ALDH5A1: variants seen among roughly 807,000 people sequenced by gnomAD.
The protein encoded by ALDH5A1 is aldehyde dehydrogenase 5 family member A1, also known as succinate-semialdehyde dehydrogenase, mitochondrial.
Under a neutral mutation model 54.7 loss-of-function variants are expected in ALDH5A1, and 33 were observed. The observed-to-expected ratio is 0.60, with a 90% confidence interval of 0.46 to 0.81. The LOEUF (loss-of-function observed/expected upper bound fraction) is 0.81. Among genes scored for constraint, ALDH5A1 ranks in the 30% least tolerant of loss-of-function variants. The pLI is 0.00. For missense variants in ALDH5A1, 657 were observed against 711.0 expected (o/e 0.92, Z 0.86); for synonymous variants, 294 against 292.7 (o/e 1.00, Z -0.05).
At chr6:24,517,518 G>T (rs1759598244) in intron 5 of ALDH5A1, among the ~76,000 whole-genome samples, 1 of 152,230 alleles carries the variant, frequency 6.6e-6, no homozygotes, top group Non-Finnish European at 1.5e-5. Context: ...TAGTTAGAAA[G>T]AAAGAGGGAA....
intron 4 of ALDH5A1, among the ~76,000 whole-genome samples, chr6:24,507,418 C>A (rs1759378479): frequency 6.6e-6 from 1 of 151,704 alleles, no homozygotes; most frequent in Non-Finnish European, 1.5e-5. Context: ...AGTTTCTTGC[C>A]CTTATAAGTC....
rs1001529759 is a variant in ALDH5A1, at chr6:24,495,228, G to C, written c.232G>C (p.Val78Leu). ...GCTCCCGGCCGCCGCCACCTTCCCC[G>C]TGCAAGACCCGGCCAGCGGCGCCGC... ...RWLPAAATFP[V>L]QDPASGAALG... Residue 78 changes from valine (V) to leucine (L), a missense_variant, in exon 1 of 10, where the codon GTG becomes CTG. Transcript: ENST00000357578. 1 of 1,519,862 alleles carries C rather than the reference G, an allele frequency of 6.6e-7. No individual in the cohort carries two copies. Among genetic ancestry groups the C allele is most frequent in the Non-Finnish European group, 8.8e-7 (1 of 1,140,852 alleles). 94.1% of individuals were successfully genotyped at this position (1,519,862 alleles called of 1,614,324 possible).
intron 4 of ALDH5A1, 129 bp downstream of exon 4, chr6:24,505,114 TA>T: frequency 1.0e-6 from 1 of 967,952 alleles, no homozygotes; most frequent in Non-Finnish European, 1.6e-6. Context: ...TGTTGTGTAT[TA>T]ATCTACTGGT....
chr6:24,535,247 A>G lies in ALDH5A1; in HGVS notation c.*1535A>G, dbSNP rs1455859703. Reference sequence around the variant, plus strand: ...TCCCTCATTGAGCCACTGGGAAGCTATGGTTGAGTAACTAAAGGTCTGGCA... The same window carrying G: ...TCCCTCATTGAGCCACTGGGAAGCTGTGGTTGAGTAACTAAAGGTCTGGCA... On this transcript the variant is annotated 3_prime_UTR_variant, in exon 10 of 10. Transcript: ENST00000357578. The G allele has an allele frequency of 2.0e-5, 3 of 152,184 alleles. No individual in the cohort carries two copies. Among genetic ancestry groups the G allele is most frequent in the Admixed American group, 1.3e-4 (2 of 15,276 alleles). The allele number at this position is 152,184 out of a possible 1,614,324, so 9.4% of individuals were successfully genotyped here. A position where few individuals can be genotyped will look rare whatever the true frequency, so the allele number is the denominator to read the frequency against.
intron 3 of ALDH5A1, among the ~76,000 whole-genome samples, chr6:24,504,630 C>G (rs1390088982): frequency 6.6e-6 from 1 of 152,242 alleles, no homozygotes; most frequent in Non-Finnish European, 1.5e-5. Context: ...GACCCCTGGT[C>G]TAACTAATTT....
intron 3 of ALDH5A1, 89 bp downstream of exon 3, chr6:24,503,522 C>A: frequency 6.7e-7 from 1 of 1,493,284 alleles, no homozygotes; most frequent in Non-Finnish European, 9.1e-7. Context: ...CAGGTGTGCT[C>A]ATCCTGTTAG....
chr6:24,528,461 A>AC (rs1341174951), intron 8 of ALDH5A1, among the ~76,000 whole-genome samples: 1 of 151,856 alleles, frequency 6.6e-6, no homozygotes, highest in Non-Finnish European at 1.5e-5. Context: ...CTCCTTGGTT[A>AC]AAGCAATTCT....
intron 7 of ALDH5A1, 108 bp downstream of exon 7, chr6:24,523,033 T>C: frequency 1.8e-6 from 1 of 561,474 alleles, no homozygotes; most frequent in South Asian, 1.7e-5. Flanking sequence ...GAGGGGTGGG[T>C]TGACAGAATA....
chr6:24,512,970 G>A lies in ALDH5A1; in HGVS notation c.727-2197G>A, dbSNP rs150674717. 3.1e-4 allele frequency among the ~76,000 whole-genome samples: 47 copies of A among 152,236 alleles called. No individual in the cohort carries two copies. The East Asian group carries it at 8.1e-3, about 26-fold the overall frequency. ...CTCCTAAAATGCTGGGATTACAGGTGTGAGCCACCGCACCTGGCCCAGTTT... is the reference window on the plus strand; with the variant it reads ...CTCCTAAAATGCTGGGATTACAGGTATGAGCCACCGCACCTGGCCCAGTTT... On this transcript the variant is annotated intron_variant, in intron 4 of 9. Coordinates refer to ENST00000357578, the MANE Select transcript of ALDH5A1 (RefSeq NM_001080.3).
In ALDH5A1 at chr6:24,508,382, AAAAAAAGAT is replaced by A. The variant is rs1168848383; in HGVS notation, c.726+3398_726+3406del. 3.9e-4 allele frequency among the ~76,000 whole-genome samples: 21 copies of A among 53,414 alleles called. 1 individual carries two copies. Among genetic ancestry groups the A allele is most frequent in the Non-Finnish European group, 9.4e-4 (17 of 18,046 alleles). The allele number at this position is 53,414 out of a possible 152,430, so 35.0% of individuals were successfully genotyped here. A position where few individuals can be genotyped will look rare whatever the true frequency, so the allele number is the denominator to read the frequency against. ...TCTCCAAAAAAAAAAAAAAAAAAAA[AAAAAAAGAT>A]TAATAGTCTCTAATCCTCTAATCTC... On this transcript the variant is annotated intron_variant, in intron 4 of 9. Coordinates refer to ENST00000357578, the MANE Select transcript of ALDH5A1 (RefSeq NM_001080.3).
intron 3 of ALDH5A1, among the ~76,000 whole-genome samples, chr6:24,504,477 G>T (rs1759295349): frequency 6.6e-6 from 1 of 152,150 alleles, no homozygotes; most frequent in African/African-American, 2.4e-5. Context: ...GTTTTATTGG[G>T]ACACAGCCAC....
chr6:24,522,873 T>G lies in ALDH5A1; in HGVS notation c.1121T>G (p.Phe374Cys). 6.2e-7 allele frequency: 1 copy of G among 1,614,136 alleles called. No individual in the cohort carries two copies. Among genetic ancestry groups the G allele is most frequent in the African/African-American group, 1.3e-5 (1 of 75,030 alleles). Residue 374 changes from phenylalanine (F) to cysteine (C), a missense_variant, in exon 7 of 10, where the codon TTT (phenylalanine) becomes TGT (cysteine). By Grantham distance (205) the Phe-to-Cys change is radical. Coordinates refer to ENST00000357578, the MANE Select transcript of ALDH5A1 (RefSeq NM_001080.3). ...AAGAACCTGCGCGTAGGTAATGGAT[T>G]TGAGGAAGGAACTACTCAGGGCCCA... ...MKKNLRVGNG[F>C]EEGTTQGPLI...
At chr6:24,520,595 G>A in intron 6 of ALDH5A1, 51 bp downstream of exon 6, 2 of 1,600,536 alleles carry the variant, frequency 1.2e-6, no homozygotes, top group Non-Finnish European at 1.7e-6. Flanking sequence ...GCATGTGTGA[G>A]TGTGTGTATG....
Position 24,509,805 on chromosome 6 carries a change from G to C in ALDH5A1, c.726+4820G>C, listed in dbSNP as rs1759428321. 6.6e-6 allele frequency among the ~76,000 whole-genome samples: 1 copy of C among 151,812 alleles called. No individual in the cohort carries two copies. The highest frequency in any genetic ancestry group is 2.4e-5 in the African/African-American group (1 of 41,336). ...TTTTTGTTTATTTCTATTTCATTTA[G>C]TTCTGCTCTGATCTTGGTTATTTCC... On this transcript the variant is annotated intron_variant, in intron 4 of 9. Coordinates refer to ENST00000357578, the MANE Select transcript of ALDH5A1 (RefSeq NM_001080.3). This position sits in a 1 kb window ranked among gnomAD's most constrained non-coding sequence, Gnocchi z 4.7.
At chr6:24,530,687 C>T (rs188386551) in intron 8 of ALDH5A1, among the ~76,000 whole-genome samples, 30 of 152,356 alleles carry the variant, frequency 2.0e-4, no homozygotes, top group African/African-American at 6.0e-4. Context: ...TTGCAGTTCC[C>T]TCTATTGGAA....
At chr6:24,511,925 G>T in intron 4 of ALDH5A1, 1 of 566,952 alleles carries the variant, frequency 1.8e-6, no homozygotes, top group Non-Finnish European at 3.2e-6. Context: ...CATATTATCA[G>T]AGTTGGCTTT....
chr6:24,523,368 A>G (rs139217160), intron 7 of ALDH5A1, among the ~76,000 whole-genome samples: 8 of 151,746 alleles, frequency 5.3e-5, no homozygotes, highest in African/African-American at 1.2e-4. Flanking sequence ...AAAAAAAAAA[A>G]TGAAAACAAA....
At chr6:24,501,004 C>T (rs1764809139) in intron 1 of ALDH5A1, among the ~76,000 whole-genome samples, 1 of 152,204 alleles carries the variant, frequency 6.6e-6, no homozygotes, top group South Asian at 2.1e-4. Flanking sequence ...TTTCTTTCTA[C>T]TTCTAAGTGA....
At chr6:24,500,428 C>T (rs141976269) in intron 1 of ALDH5A1, among the ~76,000 whole-genome samples, 1 of 152,164 alleles carries the variant, frequency 6.6e-6, no homozygotes, top group Admixed American at 6.5e-5. Flanking sequence ...CACAAAAGGG[C>T]AAATGCTGTA....
Sources: allele counts gnomAD v4.1 joint callset (sites outside exome capture counted in the v4.1 genomes callset), GRCh38; gene constraint gnomAD v4.1.1; non-coding constraint Gnocchi (gnomAD v3.1); transcripts MANE v1.5; gene names NCBI Gene and HGNC (gene_info 2026-07-23, HGNC 2026-07-21).